The following ARL5C variants were observed in gnomAD, a reference collection of about 807,000 sequenced individuals.
ARL5C encodes ARF like GTPase 5C, also known as putative ADP-ribosylation factor-like protein 5C.
Under a neutral mutation model 20.8 loss-of-function variants are expected in ARL5C, and 21 were observed. The observed-to-expected ratio is 1.01, with a 90% CI of 0.72 to 1.46. The LOEUF (loss-of-function observed/expected upper bound fraction) is 1.46. ARL5C is among the 40% of genes most tolerant of loss of function. ARL5C has a pLI of 0.00. For synonymous variants in ARL5C, 71 were observed against 81.6 expected, an observed-to-expected ratio of 0.87 and a Z score of 0.70; for missense variants, 199 against 225.1, an observed-to-expected ratio of 0.88 and a Z score of 0.74.
At position 39,165,064 on chromosome 17, in the gene ARL5C, C is replaced by G. The variant is rs1567781956; in HGVS notation, c.107+15G>C. 10 of 1,551,546 alleles carry G rather than the reference C, an allele frequency of 6.4e-6. No homozygotes were observed. The highest frequency in any genetic ancestry group is 8.7e-6 in the Non-Finnish European group (10 of 1,146,922). On this transcript the variant is annotated intron_variant, in intron 2 of 5. Coordinates refer to ENST00000269586, the MANE Select transcript of ARL5C (RefSeq NM_001143968.1). Reference sequence around the variant, plus strand: ...AGGCCCAGCTCTCTACCCTCCCCGCCCGAGAGTCACTTACAACCGGTAGAG... The same window carrying G: ...AGGCCCAGCTCTCTACCCTCCCCGCGCGAGAGTCACTTACAACCGGTAGAG...
At position 39,160,858 on chromosome 17, in the gene ARL5C, C is replaced by A. The variant is rs2045430866; in HGVS notation, c.340-116G>T. The stretch of plus-strand genomic sequence containing the variant: ...GCTGTCCCAGGAAGAGAGGCCCATG[C>A]CTGGATGGGGCAGAGATGGGGGCCC... On this transcript the variant is annotated intron_variant, in intron 4 of 5. Coordinates refer to ENST00000269586, the MANE Select transcript of ARL5C (RefSeq NM_001143968.1). 43 of 1,283,454 alleles carry A rather than the reference C, an allele frequency of 3.4e-5. 2 individuals carry two copies. The South Asian group carries it at 6.3e-4, about 19-fold the overall frequency. 79.5% of individuals were successfully genotyped at this position (1,283,454 alleles called of 1,614,324 possible). A position where few individuals can be genotyped will look rare whatever the true frequency, so the allele number is the denominator to read the frequency against.
intron 5 of ARL5C, among the ~76,000 whole-genome samples, chr17:39,159,711 G>A (rs1016709253): frequency 6.6e-6 from 1 of 152,208 alleles, no homozygotes; most frequent in African/African-American, 2.4e-5. Flanking sequence ...TGTTTCTCCA[G>A]TGCCTAGAAC....
intron 5 of ARL5C, among the ~76,000 whole-genome samples, chr17:39,157,816 G>A (rs580506): frequency 0.077 from 11,082 of 143,322 alleles, 494 homozygotes; most frequent in East Asian, 0.13. Context: ...AAAAGTGGCC[G>A]GGCACAGTGG....
intron 1 of ARL5C, 66 bp from the exon 2 acceptor site, chr17:39,165,205 AC>A: frequency 6.7e-7 from 1 of 1,487,002 alleles, no homozygotes; most frequent in Non-Finnish European, 9.2e-7. Flanking sequence ...GTGTGCCCCC[AC>A]CAGACCTCCC....
chr17:39,157,480 A>G (rs1466974186), intron 5 of ARL5C, among the ~76,000 whole-genome samples: 2 of 152,168 alleles, frequency 1.3e-5, no homozygotes, highest in African/African-American at 2.4e-5. Flanking sequence ...CACAGGGAAC[A>G]TGGGGGGTAC....
At chr17:39,162,127 G>T (rs928447085) in intron 3 of ARL5C, among the ~76,000 whole-genome samples, 1 of 152,072 alleles carries the variant, frequency 6.6e-6, no homozygotes, top group Non-Finnish European at 1.5e-5. Context: ...TAGAGAGAAG[G>T]GGCCTACCCA....
At chr17:39,163,701 C>CTTTT (rs59010635) in intron 2 of ARL5C, among the ~76,000 whole-genome samples, 1 of 131,060 alleles carries the variant, frequency 7.6e-6, no homozygotes, top group Non-Finnish European at 1.6e-5. Flanking sequence ...CACAGTTTTG[C>CTTTT]TTTTTTTTTT....
intron 1 of ARL5C, 155 bp from the exon 2 acceptor site, chr17:39,165,294 C>A: frequency 1.5e-6 from 1 of 685,156 alleles, no homozygotes; most frequent in Non-Finnish European, 2.5e-6. Flanking sequence ...AGCTCCGACA[C>A]CTGCCCCACT....
chr17:39,156,769 C>A, downstream of ARL5C: 1 of 1,141,118 alleles, frequency 8.8e-7, no homozygotes, highest in South Asian at 1.5e-5. Context: ...GTGTCAATCT[C>A]ACTGTCCATA....
At chr17:39,159,619 A>G (rs771074295) in intron 5 of ARL5C, among the ~76,000 whole-genome samples, 1 of 151,472 alleles carries the variant, frequency 6.6e-6, no homozygotes, top group Non-Finnish European at 1.5e-5. Flanking sequence ...CTGACTATAT[A>G]TTTTTCTTGT....
intron 2 of ARL5C, chr17:39,163,958 G>A (rs2045450396): frequency 6.6e-6 from 1 of 151,810 alleles, no homozygotes; most frequent in African/African-American, 2.4e-5. Flanking sequence ...GTAGAGATGG[G>A]GTTTCGCCAT....
intron 3 of ARL5C, among the ~76,000 whole-genome samples, chr17:39,162,113 C>T (rs1423744796): frequency 1.3e-5 from 2 of 152,068 alleles, no homozygotes; most frequent in African/African-American, 4.8e-5. Flanking sequence ...GAAAGTAAGG[C>T]CCCTAGAGAG....
intron 4 of ARL5C, 42 bp from the exon 5 acceptor site, chr17:39,160,784 C>A (rs1465323981): frequency 6.5e-7 from 1 of 1,544,446 alleles, no homozygotes; most frequent in Admixed American, 2.0e-5. Context: ...CTGCTAGTGC[C>A]CAGCCTTCCT....
intron 3 of ARL5C, among the ~76,000 whole-genome samples, chr17:39,162,046 C>T (rs76105397): frequency 1.6e-3 from 246 of 152,188 alleles, no homozygotes; most frequent in African/African-American, 5.8e-3. Context: ...GGAAATGGAA[C>T]CCAGCTCTGT....
At chr17:39,161,496 C>A in intron 3 of ARL5C, 145 bp from the exon 4 acceptor site, 1 of 690,358 alleles carries the variant, frequency 1.4e-6, no homozygotes, top group Non-Finnish European at 2.5e-6. Context: ...ATTTCACCAC[C>A]CTGCTTCCAT....
At chr17:39,157,619 G>A (rs2045411767) in intron 5 of ARL5C, among the ~76,000 whole-genome samples, 1 of 151,694 alleles carries the variant, frequency 6.6e-6, no homozygotes, top group South Asian at 2.1e-4. Context: ...GAGAAAGCCC[G>A]TCTCTACTAG....
rs2045433097 is a variant in ARL5C, at chr17:39,161,249, C to T, written c.339+19G>A. ...ACAGCTAGTACCACTGGGCCCTCTC[C>T]CAACTGCAGGGGGCTTACCTCATGG... On this transcript the variant is annotated intron_variant, in intron 4 of 5. Transcript: ENST00000269586. The T allele has an allele frequency of 6.4e-7, 1 of 1,551,136 alleles. No homozygotes were observed. The highest frequency in any genetic ancestry group is 8.7e-7 in the Non-Finnish European group (1 of 1,146,566).
intron 5 of ARL5C, chr17:39,160,341 A>T: frequency 2.6e-5 from 10 of 383,094 alleles, no homozygotes; most frequent in East Asian, 1.5e-4. Context: ...AAAAAAAAAG[A>T]GAGAGAGATT....
rs1385611497 is a variant in ARL5C at position 39,165,961 on chromosome 17, C to G, written c.-201G>C. ...GTGGGCACTATGGACACCCCAGTGA[C>G]TAAGGGCTGCCTGTCCCGGGCCCAA... On this transcript the variant is annotated 5_prime_UTR_variant, in exon 1 of 6. Coordinates refer to ENST00000269586, the MANE Select transcript of ARL5C (RefSeq NM_001143968.1). 12 of 606,912 alleles carry G rather than the reference C, an allele frequency of 2.0e-5. No individual in the cohort carries two copies. Among genetic ancestry groups the G allele is most frequent in the Non-Finnish European group, 2.9e-5 (10 of 343,942 alleles). 37.6% of individuals were successfully genotyped at this position (606,912 alleles called of 1,614,324 possible). A position where few individuals can be genotyped will look rare whatever the true frequency, so the allele number is the denominator to read the frequency against.
Sources: gnomAD v4.1 joint callset for allele counts (sites outside exome capture counted in the v4.1 genomes callset) on GRCh38, gnomAD v4.1.1 for gene constraint, MANE v1.5 for transcripts, NCBI Gene and HGNC (gene_info 2026-07-23, HGNC 2026-07-21) for gene names.